PRDM16: variants seen among roughly 807,000 people sequenced by gnomAD.
PRDM16 encodes the protein histone-lysine N-methyltransferase PRDM16.
PRDM16 carries 23 observed loss-of-function variants against 110.6 expected under a neutral mutation model. The ratio of observed to expected loss-of-function variants is 0.21; its 90% CI spans 0.15 to 0.29. The LOEUF (loss-of-function observed/expected upper bound fraction) is 0.29. PRDM16 is among the 10% of genes least tolerant of loss of function. The pLI, the probability that PRDM16 is intolerant of heterozygous loss-of-function variation, is 1.00. For missense variants in PRDM16, 1,615 were observed against 1,794.3 expected (o/e 0.90, Z 1.81); for synonymous variants, 799 against 781.8 (o/e 1.02, Z -0.37).
chr1:3,310,684 C>T (rs1188175609), intron 3 of PRDM16, among the ~76,000 whole-genome samples: 1 of 152,228 alleles, frequency 6.6e-6, no homozygotes, highest in Non-Finnish European at 1.5e-5. Flanking sequence ...TCCAGGCCTT[C>T]CTCCTCTGCC....
chr1:3,332,204 C>T (rs1172621771), intron 3 of PRDM16, among the ~76,000 whole-genome samples: 2 of 152,280 alleles, frequency 1.3e-5, no homozygotes, highest in Non-Finnish European at 2.9e-5. Context: ...ATGGGAGGTG[C>T]GTGCACTGGG....
chr1:3,407,806 G>C (rs1643586971), intron 8 of PRDM16, among the ~76,000 whole-genome samples: 1 of 152,192 alleles, frequency 6.6e-6, no homozygotes, highest in East Asian at 1.9e-4. Flanking sequence ...TGGATGGAGT[G>C]AGGACAGGGA....
chr1:3,291,572 C>G (rs535408024), intron 3 of PRDM16, among the ~76,000 whole-genome samples: 8 of 152,010 alleles, frequency 5.3e-5, no homozygotes, highest in African/African-American at 1.7e-4. Flanking sequence ...CTCCTCCCGC[C>G]CCTGCCCATC....
chr1:3,306,456 T>A (rs1453955547), intron 3 of PRDM16, among the ~76,000 whole-genome samples: 1 of 152,120 alleles, frequency 6.6e-6, no homozygotes, highest in African/African-American at 2.4e-5. Context: ...TGCTGACAGG[T>A]TCTGGAAGGA....
intron 3 of PRDM16, among the ~76,000 whole-genome samples, chr1:3,323,246 G>A (rs919927087): frequency 2.0e-5 from 3 of 152,166 alleles, no homozygotes; most frequent in African/African-American, 7.2e-5. Flanking sequence ...GGGCAGCCAC[G>A]AGGTGGGGCA....
chr1:3,312,984 C>G (rs144103989), intron 3 of PRDM16, among the ~76,000 whole-genome samples: 141 of 152,356 alleles, frequency 9.3e-4, no homozygotes, highest in African/African-American at 3.1e-3. Context: ...CTTGTGACTT[C>G]CAGGAGGCCT....
chr1:3,122,234 C>T (rs1247646780), intron 1 of PRDM16, among the ~76,000 whole-genome samples: 1 of 152,190 alleles, frequency 6.6e-6, no homozygotes, highest in Non-Finnish European at 1.5e-5. Context: ...CCGAGTGCCC[C>T]TTCTAACAAT....
intron 1 of PRDM16, among the ~76,000 whole-genome samples, chr1:3,150,962 G>A (rs1643764054): frequency 1.1e-5 from 1 of 89,292 alleles, no homozygotes; most frequent in Non-Finnish European, 2.1e-5. Context: ...GGAAACGGGG[G>A]GCTGGTCCTA....
intron 1 of PRDM16, among the ~76,000 whole-genome samples, chr1:3,108,661 T>C (rs1642719016): frequency 6.6e-6 from 1 of 152,136 alleles, no homozygotes; most frequent in African/African-American, 2.4e-5. Context: ...AGAGAGATGG[T>C]GCCTCTGGGC....
chr1:3,170,337 C>G (rs925632180), intron 1 of PRDM16, among the ~76,000 whole-genome samples: 7 of 152,214 alleles, frequency 4.6e-5, no homozygotes, highest in African/African-American at 1.7e-4. Context: ...TGCAGCTGTC[C>G]CAGGCTCTCT....
chr1:3,271,715 G>A (rs892124088), intron 3 of PRDM16, among the ~76,000 whole-genome samples: 6 of 152,150 alleles, frequency 3.9e-5, no homozygotes, highest in Non-Finnish European at 8.8e-5. Flanking sequence ...GGGGCACCTG[G>A]TGGCAGGAAA....
At chr1:3,099,126 G>A (rs572964021) in intron 1 of PRDM16, among the ~76,000 whole-genome samples, 2 of 152,352 alleles carry the variant, frequency 1.3e-5, no homozygotes, top group East Asian at 3.9e-4. Flanking sequence ...TGCAATGAGG[G>A]TTCTCAAATG....
rs1333021703 is a variant in PRDM16, at chr1:3,208,845, C to G, written c.387+22371C>G. On this transcript the variant is annotated intron_variant, in intron 2 of 16. Coordinates refer to ENST00000270722, the MANE Select transcript of PRDM16 (RefSeq NM_022114.4). The surrounding 1 kb of genome is among the most constrained non-coding windows in gnomAD (Gnocchi z 6.1). Reference sequence around the variant, plus strand: ...TCTCCACCCCCTGAAGCCATCTCCTCTTGCTCCCTGAGTGCCTGTCCAGAG... The same window carrying G: ...TCTCCACCCCCTGAAGCCATCTCCTGTTGCTCCCTGAGTGCCTGTCCAGAG... 6.6e-6 allele frequency among the ~76,000 whole-genome samples: 1 copy of G among 152,192 alleles called. No individual in the cohort carries two copies. The highest frequency in any genetic ancestry group is 1.5e-5 in the Non-Finnish European group (1 of 68,036).
At chr1:3,210,147 G>T (rs963483093) in intron 2 of PRDM16, among the ~76,000 whole-genome samples, 3 of 152,214 alleles carry the variant, frequency 2.0e-5, no homozygotes, top group Admixed American at 6.5e-5. Flanking sequence ...CTCGCTATGT[G>T]CCGATGTGTT....
rs545557106 is a variant in PRDM16, at chr1:3,154,284, G to T, written c.38-31841G>T. ...GGCTGGCGCACTCTCCCTGGGCGGC[G>T]TGGTGGGGGGGCAGGGGGACGCTTT... On this transcript the variant is annotated intron_variant, in intron 1 of 16. Transcript: ENST00000270722. 3.3e-5 allele frequency among the ~76,000 whole-genome samples: 5 copies of T among 152,222 alleles called. No homozygotes were observed. In the South Asian group the frequency reaches 1.0e-3, roughly 32 times the overall value.
intron 3 of PRDM16, among the ~76,000 whole-genome samples, chr1:3,357,654 C>T (rs1466442884): frequency 6.6e-6 from 1 of 152,270 alleles, no homozygotes; most frequent in African/African-American, 2.4e-5. Context: ...CCACCCTCTT[C>T]CTGCCCAGTC....
rs891853756 is a variant in PRDM16, at chr1:3,185,257, G to A, written c.38-868G>A. The stretch of plus-strand genomic sequence containing the variant: ...CTTGGCACCCATCCTCTCTTAGGAC[G>A]GACCCCAAAGGCCTATCCCAGACAG... On this transcript the variant is annotated intron_variant, in intron 1 of 16. Coordinates refer to ENST00000270722, the MANE Select transcript of PRDM16 (RefSeq NM_022114.4). 1.4e-4 allele frequency among the ~76,000 whole-genome samples: 21 copies of A among 152,208 alleles called. No individual in the cohort carries two copies. In the East Asian group the frequency reaches 1.9e-3, roughly 14 times the overall value.
chr1:3,320,645 G>A (rs2500274), intron 3 of PRDM16, among the ~76,000 whole-genome samples: 142,515 of 152,300 alleles, frequency 0.94, 66,919 homozygotes, highest in African/African-American at 0.98. Flanking sequence ...AAACTCTCAC[G>A]CTGTTGGAAA....
chr1:3,215,431 G>GACAGGCAAGGCCCACAGGA lies in PRDM16; in HGVS notation c.388-28656_388-28655insACAGGCAAGGCCCACAGGA, dbSNP rs1557534871. Reference sequence around the variant, plus strand: ...CCGGGGACAGGCAAGGCCTATTGGGGTCCAGGAGAACAGAGCCTCCAGGAG... The same window carrying GACAGGCAAGGCCCACAGGA: ...CCGGGGACAGGCAAGGCCTATTGGGGACAGGCAAGGCCCACAGGATCCAGGAGAACAGAGCCTCCAGGAG... On this transcript the variant is annotated intron_variant, in intron 2 of 16. Transcript: ENST00000270722. 3.6e-4 allele frequency among the ~76,000 whole-genome samples: 29 copies of GACAGGCAAGGCCCACAGGA among 81,268 alleles called. No homozygotes were observed. The African/African-American group carries it at 3.9e-3, about 11-fold the overall frequency. The allele number at this position is 81,268 out of a possible 152,430, so 53.3% of individuals were successfully genotyped here.
Sources: allele counts gnomAD v4.1 joint callset (sites outside exome capture counted in the v4.1 genomes callset), GRCh38; gene constraint gnomAD v4.1.1; non-coding constraint Gnocchi (gnomAD v3.1); transcripts MANE v1.5; gene names NCBI Gene and HGNC (gene_info 2026-07-23, HGNC 2026-07-21).